The following MED15 variants were observed in gnomAD, a reference collection of about 807,000 sequenced individuals.
MED15 encodes mediator of RNA polymerase II transcription subunit 15.
A neutral mutation model predicts 118.7 loss-of-function variants in MED15; 41 were observed. The observed-to-expected ratio is 0.35, with a 90% CI of 0.27 to 0.45. The LOEUF is 0.45. Ranked by LOEUF, MED15 falls within the 20% of genes least tolerant of loss-of-function variation. MED15 has a pLI of 1.00. For synonymous variants in MED15, 436 were observed against 413.9 expected (o/e 1.05, Z -0.65); for missense variants, 740 against 1,025.5 (o/e 0.72, Z 3.80).
intron 1 of MED15, among the ~76,000 whole-genome samples, chr22:20,519,304 C>A (rs1487031148): frequency 6.6e-6 from 1 of 152,140 alleles, no homozygotes; most frequent in Non-Finnish European, 1.5e-5. Context: ...AGTCTAGGTG[C>A]AGGGCTGTTA....
intron 2 of MED15, among the ~76,000 whole-genome samples, chr22:20,541,650 ATTTT>A (rs35805990): frequency 1.6e-5 from 2 of 125,510 alleles, no homozygotes; most frequent in Non-Finnish European, 1.7e-5. Context: ...CACCCAGCTA[ATTTT>A]TTTTTTTTTT....
chr22:20,522,377 A>G (rs576395599), intron 1 of MED15, among the ~76,000 whole-genome samples: 3 of 152,254 alleles, frequency 2.0e-5, no homozygotes, highest in African/African-American at 4.8e-5. Context: ...TGTCTGTAAC[A>G]GGCACTCTCG....
intron 5 of MED15, among the ~76,000 whole-genome samples, chr22:20,558,893 G>GGA (rs2056121869): frequency 6.6e-6 from 1 of 152,184 alleles, no homozygotes; most frequent in Non-Finnish European, 1.5e-5. Flanking sequence ...TTGAAGGGAA[G>GGA]GAGAGACACC....
intron 1 of MED15, among the ~76,000 whole-genome samples, chr22:20,534,939 G>A (rs989214442): frequency 6.6e-6 from 1 of 152,120 alleles, no homozygotes; most frequent in African/African-American, 2.4e-5. Context: ...CTCCCTTCAG[G>A]CTTCAGGAAG....
chr22:20,571,851 GAAGT>G (rs1482886665), intron 8 of MED15, among the ~76,000 whole-genome samples: 4 of 152,256 alleles, frequency 2.6e-5, no homozygotes, highest in African/African-American at 4.8e-5. Context: ...GAGAGGAACA[GAAGT>G]AAGAGAACCA....
At chr22:20,564,993 C>T (rs1336115502) in intron 6 of MED15, among the ~76,000 whole-genome samples, 2 of 152,180 alleles carry the variant, frequency 1.3e-5, no homozygotes, top group Non-Finnish European at 2.9e-5. Flanking sequence ...GACATGGTGG[C>T]GTACACCTAT....
chr22:20,568,740 T>C (rs749135056), intron 8 of MED15, 109 bp downstream of exon 8: 105 of 1,502,288 alleles, frequency 7.0e-5, no homozygotes, highest in Non-Finnish European at 8.8e-5. Flanking sequence ...GGGGGCTAAG[T>C]TGGTAAAGCA....
At chr22:20,507,921 G>A in intron 1 of MED15, 175 bp downstream of exon 1, 1 of 1,450,360 alleles carries the variant, frequency 6.9e-7, no homozygotes, top group South Asian at 1.5e-5. Flanking sequence ...TTCCCGACAT[G>A]GACTGCTCGT....
chr22:20,534,149 A>T (rs2054965383), intron 1 of MED15, among the ~76,000 whole-genome samples: 1 of 152,060 alleles, frequency 6.6e-6, no homozygotes, highest in South Asian at 2.1e-4. Context: ...TCCTGGCCAC[A>T]TCTGCCACCC....
rs745997772 is a variant in MED15, at chr22:20,566,466, G to C, written c.691-1G>C. 7 of 1,611,964 alleles carry C rather than the reference G, an allele frequency of 4.3e-6. No homozygotes were observed. Among genetic ancestry groups the C allele is most frequent in the East Asian group, 4.5e-5 (2 of 44,896 alleles). On this transcript the variant is annotated splice_acceptor_variant, in intron 6 of 17. Coordinates refer to ENST00000263205, the MANE Select transcript of MED15 (RefSeq NM_001003891.3). LOFTEE classifies it high-confidence loss of function. ...CCGAGTGCTGCTTGTTCTGTCTCTAGATACAGCAGCAGCAACAGCAGCTGC... is the reference window on the plus strand; with the variant it reads ...CCGAGTGCTGCTTGTTCTGTCTCTACATACAGCAGCAGCAACAGCAGCTGC...
At chr22:20,568,723 A>C in intron 8 of MED15, 92 bp downstream of exon 8, 1 of 1,529,250 alleles carries the variant, frequency 6.5e-7, no homozygotes, top group Non-Finnish European at 8.8e-7. Context: ...TGGTTGGATT[A>C]GGGGCTGGGG....
chr22:20,534,722 C>G (rs1435034418), intron 1 of MED15, among the ~76,000 whole-genome samples: 2 of 152,156 alleles, frequency 1.3e-5, no homozygotes, highest in Non-Finnish European at 2.9e-5. Context: ...CTGCCCCATG[C>G]TAACCTGAGA....
intron 1 of MED15, among the ~76,000 whole-genome samples, chr22:20,509,098 T>G (rs574460831): frequency 6.6e-6 from 1 of 152,086 alleles, no homozygotes; most frequent in East Asian, 1.9e-4. Flanking sequence ...TTAGGAAACA[T>G]GAGCATTTAC....
chr22:20,526,577 T>C (rs968958020), intron 1 of MED15, among the ~76,000 whole-genome samples: 4 of 152,216 alleles, frequency 2.6e-5, no homozygotes, highest in Admixed American at 2.6e-4. Context: ...TAGGAAAGAA[T>C]TGCCTTTTCA....
intron 8 of MED15, among the ~76,000 whole-genome samples, chr22:20,569,688 G>T (rs1027289971): frequency 6.6e-6 from 1 of 152,164 alleles, no homozygotes; most frequent in Non-Finnish European, 1.5e-5. Context: ...TCCTACCTTG[G>T]CAGGGCACCA....
intron 8 of MED15, among the ~76,000 whole-genome samples, chr22:20,569,980 TG>T: frequency 6.6e-6 from 1 of 152,204 alleles, no homozygotes. Context: ...CTGCTACCTT[TG>T]CCTCTTTGGA....
intron 6 of MED15, among the ~76,000 whole-genome samples, chr22:20,566,025 A>AAGGC (rs2056425019): frequency 7.3e-6 from 1 of 136,262 alleles, no homozygotes; most frequent in Non-Finnish European, 1.5e-5. Context: ...TCAGCCCAGG[A>AAGGC]AGGCCTTTTT....
chr22:20,509,132 G>A (rs1189473545), intron 1 of MED15, among the ~76,000 whole-genome samples: 1 of 152,202 alleles, frequency 6.6e-6, no homozygotes, highest in South Asian at 2.1e-4. Context: ...GATCTTGTAG[G>A]CTGAGAGTTC....
At chr22:20,516,718 G>C (rs1356368977) in intron 1 of MED15, among the ~76,000 whole-genome samples, 1 of 152,062 alleles carries the variant, frequency 6.6e-6, no homozygotes, top group Non-Finnish European at 1.5e-5. Context: ...AGGGCTGTGG[G>C]GTACTAGCCT....
Sources: gnomAD v4.1 joint callset for allele counts (sites outside exome capture counted in the v4.1 genomes callset) on GRCh38, gnomAD v4.1.1 for gene constraint, MANE v1.5 for transcripts, NCBI Gene and HGNC (gene_info 2026-07-23, HGNC 2026-07-21) for gene names.